The following DLGAP2 variants were observed in gnomAD, a reference collection of about 807,000 sequenced individuals.
DLGAP2 encodes DLG associated protein 2.
In DLGAP2, 26 loss-of-function variants were observed where a neutral mutation model predicts 100.3. That is an observed-to-expected ratio of 0.26 (90% CI 0.19 to 0.36). DLGAP2 has a LOEUF of 0.36. DLGAP2 is among the 10% of genes least tolerant of loss of function. DLGAP2 has a pLI of 1.00. For synonymous variants in DLGAP2, 886 were observed against 630.1 expected (o/e 1.41, Z -6.08); for missense variants, 1,858 against 1,453.2 (o/e 1.28, Z -4.53).
At chr8:1,063,554 C>T (rs192987955) in intron 2 of DLGAP2, among the ~76,000 whole-genome samples, 24 of 145,106 alleles carry the variant, frequency 1.7e-4, no homozygotes, top group African/African-American at 5.4e-4. Flanking sequence ...TGCTTTACCT[C>T]GTGCAAAAAT....
At chr8:1,233,814 T>C (rs1215252597) in intron 2 of DLGAP2, among the ~76,000 whole-genome samples, 2 of 152,168 alleles carry the variant, frequency 1.3e-5, no homozygotes, top group Non-Finnish European at 2.9e-5. Flanking sequence ...TACCTAAATA[T>C]AGAAGTCTTG....
intron 1 of DLGAP2, among the ~76,000 whole-genome samples, chr8:844,539 A>C (rs998808772): frequency 5.3e-5 from 8 of 152,076 alleles, no homozygotes; most frequent in Admixed American, 4.6e-4. Context: ...TCGCCCATCA[A>C]GGATCAATAA....
chr8:1,129,601 C>T (rs1488779465), intron 2 of DLGAP2, among the ~76,000 whole-genome samples: 1 of 152,140 alleles, frequency 6.6e-6, no homozygotes, highest in Non-Finnish European at 1.5e-5. Flanking sequence ...TGCGGGAAGC[C>T]TGAGTTTGCC....
chr8:1,463,873 C>T (rs1183529375), intron 3 of DLGAP2, among the ~76,000 whole-genome samples: 1 of 152,198 alleles, frequency 6.6e-6, no homozygotes, highest in Non-Finnish European at 1.5e-5. Context: ...GTTTTCTTTC[C>T]ATCTTGTGAC....
intron 2 of DLGAP2, among the ~76,000 whole-genome samples, chr8:1,220,955 A>G (rs546884311): frequency 1.3e-5 from 2 of 152,256 alleles, no homozygotes; most frequent in Non-Finnish European, 2.9e-5. Flanking sequence ...TGCTTGATAG[A>G]TCTTTCTCCA....
At chr8:1,358,148 C>T (rs1237160932) in intron 3 of DLGAP2, among the ~76,000 whole-genome samples, 1 of 152,162 alleles carries the variant, frequency 6.6e-6, no homozygotes, top group African/African-American at 2.4e-5. Flanking sequence ...AATCCAGGTG[C>T]ATCCTTTTCT....
chr8:930,429 C>T (rs1259063899), intron 2 of DLGAP2, among the ~76,000 whole-genome samples: 1 of 152,210 alleles, frequency 6.6e-6, no homozygotes, highest in Non-Finnish European at 1.5e-5. Flanking sequence ...GGACTCCAGG[C>T]ACACACAGCA....
At chr8:1,497,020 T>G (rs1243491193) in intron 3 of DLGAP2, among the ~76,000 whole-genome samples, 14 of 152,082 alleles carry the variant, frequency 9.2e-5, no homozygotes, top group Admixed American at 9.2e-4. Flanking sequence ...GGTCACACGT[T>G]ATGGAGCACT....
At chr8:1,503,227 G>A (rs1448189294) in intron 4 of DLGAP2, among the ~76,000 whole-genome samples, 1 of 152,098 alleles carries the variant, frequency 6.6e-6, no homozygotes, top group African/African-American at 2.4e-5. Flanking sequence ...CAGCACCTCT[G>A]TCTCTAGAAC....
At chr8:1,071,102 C>T (rs1009863722) in intron 2 of DLGAP2, among the ~76,000 whole-genome samples, 4 of 152,320 alleles carry the variant, frequency 2.6e-5, no homozygotes, top group African/African-American at 7.2e-5. Context: ...GGCCTCCTCC[C>T]ACTGGCTGCT....
At chr8:1,150,647 G>C (rs1434447180) in intron 2 of DLGAP2, among the ~76,000 whole-genome samples, 2 of 152,208 alleles carry the variant, frequency 1.3e-5, no homozygotes, top group Non-Finnish European at 2.9e-5. Flanking sequence ...GACAGGATTG[G>C]ACACTGCTCA....
chr8:1,333,964 A>G (rs893352111), intron 3 of DLGAP2, among the ~76,000 whole-genome samples: 1 of 152,224 alleles, frequency 6.6e-6, no homozygotes, highest in African/African-American at 2.4e-5. Context: ...AGGGGCCAAC[A>G]CGGCGAGAGC....
chr8:1,173,323 G>A (rs913221423), intron 2 of DLGAP2, among the ~76,000 whole-genome samples: 16 of 152,192 alleles, frequency 1.1e-4, no homozygotes, highest in Non-Finnish European at 1.9e-4. Context: ...GCTGCTCAGG[G>A]GTCAGGGGTC....
At chr8:1,363,142 A>G (rs1311655472) in intron 3 of DLGAP2, among the ~76,000 whole-genome samples, 1 of 152,250 alleles carries the variant, frequency 6.6e-6, no homozygotes, top group African/African-American at 2.4e-5. Flanking sequence ...TGTGGGCCAC[A>G]CAAAACCATC....
chr8:1,522,943 T>G (rs1800657784), intron 4 of DLGAP2, among the ~76,000 whole-genome samples: 1 of 152,178 alleles, frequency 6.6e-6, no homozygotes, highest in African/African-American at 2.4e-5. Context: ...GTGACAGATG[T>G]ATATGTTTTA....
At chr8:1,539,354 A>C (rs1408942775) in intron 4 of DLGAP2, among the ~76,000 whole-genome samples, 1 of 152,200 alleles carries the variant, frequency 6.6e-6, no homozygotes, top group Non-Finnish European at 1.5e-5. Context: ...CATCTGGGTG[A>C]GGACTCCGAA....
intron 6 of DLGAP2, among the ~76,000 whole-genome samples, chr8:1,606,440 C>T (rs778528120): frequency 1.2e-4 from 19 of 152,224 alleles, no homozygotes; most frequent in Middle Eastern, 3.4e-3. Context: ...CTGGCAACCA[C>T]GAACCTGCAT....
intron 4 of DLGAP2, among the ~76,000 whole-genome samples, chr8:1,514,106 T>C (rs974757093): frequency 6.6e-6 from 1 of 152,208 alleles, no homozygotes; most frequent in East Asian, 1.9e-4. Context: ...GGGTGGCGTC[T>C]TGTGGCCACA....
intron 3 of DLGAP2, among the ~76,000 whole-genome samples, chr8:1,367,067 ACT>A (rs1163133725): frequency 6.6e-6 from 1 of 152,154 alleles, no homozygotes; most frequent in African/African-American, 2.4e-5. Flanking sequence ...GGTAAATAAC[ACT>A]GTTAACATTT....
Sources: allele counts gnomAD v4.1 joint callset (sites outside exome capture counted in the v4.1 genomes callset), GRCh38; gene constraint gnomAD v4.1.1; transcripts MANE v1.5; gene names NCBI Gene and HGNC (gene_info 2026-07-23, HGNC 2026-07-21).